Variants in NOM1 observed in about 807,000 individuals in gnomAD.
The protein encoded by NOM1 is nucleolar MIF4G domain-containing protein 1.
A neutral mutation model predicts 73.3 loss-of-function variants in NOM1; 58 were observed. The ratio of observed to expected loss-of-function variants is 0.79; its 90% confidence interval spans 0.64 to 0.99. The LOEUF is 0.99. Among genes scored for constraint, NOM1 ranks in the 50% least tolerant of loss-of-function variants. NOM1 has a pLI of 0.00. For missense variants in NOM1, 1,226 were observed against 1,131.9 expected, an observed-to-expected ratio of 1.08 and a Z score of -1.19; for synonymous variants, 487 against 446.8, an observed-to-expected ratio of 1.09 and a Z score of -1.14.
At chr7:156,950,929 A>G (rs1353934932) in intron 1 of NOM1, among the ~76,000 whole-genome samples, 3 of 152,206 alleles carry the variant, frequency 2.0e-5, no homozygotes, top group Non-Finnish European at 4.4e-5. Flanking sequence ...AAAGCAATAT[A>G]GAGACATTTT....
In NOM1 at chr7:156,950,531, G is replaced by A. The variant is rs1244517911; in HGVS notation, c.794G>A (p.Gly265Glu). ...SQDESEEEEE[G>E]DVEKEKKAQE... ...GACGAAAGTGAGGAGGAGGAGGAGG[G>A]AGACGTAGAAAAGGAAAAGAAGGCG... Residue 265 changes from glycine to glutamate, a missense_variant, in exon 1 of 11, where the codon GGA (glycine) becomes GAA (glutamate). Coordinates refer to ENST00000275820, the MANE Select transcript of NOM1 (RefSeq NM_138400.2). 1.9e-6 allele frequency: 3 copies of A among 1,613,880 alleles called. No individual in the cohort carries two copies. The highest frequency in any genetic ancestry group is 2.2e-5 in the South Asian group (2 of 91,082).
chr7:156,969,678 A>G lies in NOM1; in HGVS notation c.2558A>G (p.Gln853Arg), dbSNP rs116822713. 2 of 1,611,844 alleles carry G rather than the reference A, an allele frequency of 1.2e-6. No homozygotes were observed. The highest frequency in any genetic ancestry group is 2.2e-5 in the East Asian group (1 of 44,830). Residue 853 changes from glutamine to arginine, a missense_variant, in exon 11 of 11, where the codon CAA (glutamine) becomes CGA (arginine). Gln to Arg is a conservative substitution (Grantham distance 43). Coordinates refer to ENST00000275820, the MANE Select transcript of NOM1 (RefSeq NM_138400.2). ...GCTGACCTTGCAACGAAGTGTCTGC[A>G]AGGAAAAGCTTCCCTGAGAATGTAG... Reference protein sequence around the residue: ...EKADLATKCLQGKASLRM With the variant: ...EKADLATKCLRGKASLRM
intron 2 of NOM1, among the ~76,000 whole-genome samples, chr7:156,953,673 C>T (rs942822784): frequency 1.3e-5 from 2 of 152,134 alleles, no homozygotes; most frequent in African/African-American, 2.4e-5. Context: ...CCCCACTACC[C>T]GTTCAAACAG....
intron 7 of NOM1, 133 bp downstream of exon 7, chr7:156,964,159 G>A (rs573427032): frequency 6.4e-5 from 54 of 849,252 alleles, no homozygotes; most frequent in Non-Finnish European, 8.3e-5. Context: ...ATGACCATCC[G>A]CTCACGCTGT....
At chr7:156,951,452 A>G (rs1804591263) in intron 1 of NOM1, among the ~76,000 whole-genome samples, 1 of 152,164 alleles carries the variant, frequency 6.6e-6, no homozygotes, top group South Asian at 2.1e-4. Flanking sequence ...GTCATCTTGC[A>G]TATTTTATCT....
At chr7:156,952,434 C>T (rs575017701) in intron 1 of NOM1, 40 bp from the exon 2 acceptor site, 15 of 1,588,882 alleles carry the variant, frequency 9.4e-6, no homozygotes, top group Non-Finnish European at 1.3e-5. Context: ...AGGATTTGGT[C>T]AGTGTAAATT....
At chr7:156,966,423 C>G in intron 8 of NOM1, 21 bp downstream of exon 8, 10 of 1,613,400 alleles carry the variant, frequency 6.2e-6, no homozygotes, top group Non-Finnish European at 8.5e-6. Flanking sequence ...GCGGAGGCAC[C>G]AGTTACGTCC....
intron 4 of NOM1, 100 bp from the exon 5 acceptor site, chr7:156,962,051 C>A: frequency 1.1e-6 from 1 of 894,622 alleles, no homozygotes; most frequent in Non-Finnish European, 1.8e-6. Context: ...GTGGCGGTGG[C>A]GGCCATGTGC....
intron 3 of NOM1, among the ~76,000 whole-genome samples, chr7:156,959,434 G>C (rs969178587): frequency 1.3e-5 from 2 of 152,048 alleles, no homozygotes; most frequent in East Asian, 3.9e-4. Context: ...TAGAAACGGG[G>C]TTTCACCGTG....
rs781330807 is a variant in NOM1 at position 156,959,943 on chromosome 7, C to T, written c.1401C>T (p.Thr467=). Residue 467 remains threonine, a synonymous_variant, in exon 4 of 11, where the codon ACC becomes ACT. Coordinates refer to ENST00000275820, the MANE Select transcript of NOM1 (RefSeq NM_138400.2). ...GGAAAGAGTGTGACAACCTGTTCAC[C>T]GTCATTGCCCATTTATACAACTTCC... ...SEGKECDNLF[T]VIAHLYNFHV... is the part of the protein sequence containing the mutation. 1.1e-5 allele frequency: 17 copies of T among 1,612,888 alleles called. No individual in the cohort carries two copies. The highest frequency in any genetic ancestry group is 1.7e-5 in the Admixed American group (1 of 59,954).
chr7:156,955,893 G>C (rs896966317), intron 3 of NOM1, among the ~76,000 whole-genome samples: 2 of 152,158 alleles, frequency 1.3e-5, no homozygotes, highest in Non-Finnish European at 2.9e-5. Flanking sequence ...CTTGCTTTAA[G>C]ATGCACATAT....
At chr7:156,955,373 T>G (rs1804696244) in intron 3 of NOM1, among the ~76,000 whole-genome samples, 1 of 149,656 alleles carries the variant, frequency 6.7e-6, no homozygotes, top group Non-Finnish European at 1.5e-5. Flanking sequence ...AAGGAGATTG[T>G]TGTGAGGTTG....
chr7:156,956,568 A>G (rs1034602385), intron 3 of NOM1, among the ~76,000 whole-genome samples: 3 of 152,136 alleles, frequency 2.0e-5, no homozygotes, highest in African/African-American at 7.2e-5. Context: ...ACATTTTTCC[A>G]TGTCTAGCAG....
intron 9 of NOM1, 74 bp downstream of exon 9, chr7:156,967,166 T>A: frequency 4.6e-6 from 7 of 1,507,646 alleles, no homozygotes; most frequent in Non-Finnish European, 6.3e-6. Context: ...GTAAATCAGG[T>A]CCTGTTTTAC....
rs1383973936 is a variant in NOM1 at position 156,950,039 on chromosome 7, C to T, written c.302C>T (p.Thr101Met). ...CGGAAAGCACGCCGGCTGCAGAGGA[C>T]GGCGGGCCCCGAACAGGGTCCCGGC... ...HLRKARRLQR[T>M]AGPEQGPGLG... Residue 101 changes from threonine to methionine, a missense_variant, in exon 1 of 11, where the codon ACG becomes ATG. Coordinates refer to ENST00000275820, the MANE Select transcript of NOM1 (RefSeq NM_138400.2). 2.3e-5 allele frequency: 35 copies of T among 1,542,418 alleles called. No homozygotes were observed. The highest frequency in any genetic ancestry group is 3.9e-5 in the Admixed American group (2 of 50,998).
At chr7:156,950,961 A>G (rs946202246) in intron 1 of NOM1, among the ~76,000 whole-genome samples, 5 of 152,310 alleles carry the variant, frequency 3.3e-5, no homozygotes, top group East Asian at 3.9e-4. Context: ...CTTAAGGGCC[A>G]TTTCCACAGT....
intron 6 of NOM1, 123 bp from the exon 7 acceptor site, chr7:156,963,782 G>C: frequency 8.7e-7 from 1 of 1,152,384 alleles, no homozygotes; most frequent in Non-Finnish European, 1.2e-6. Context: ...AGTGGACTTG[G>C]TGCCATCCGC....
intron 1 of NOM1, 151 bp downstream of exon 1, chr7:156,950,875 C>T (rs1367265255): frequency 1.4e-6 from 1 of 709,582 alleles, no homozygotes; most frequent in East Asian, 2.7e-5. Context: ...TCTATTCGGT[C>T]TTCTTTCATG....
At chr7:156,953,432 C>A (rs1470481999) in intron 2 of NOM1, among the ~76,000 whole-genome samples, 1 of 152,168 alleles carries the variant, frequency 6.6e-6, no homozygotes, top group Non-Finnish European at 1.5e-5. Context: ...CGGGGCAGTT[C>A]TGTAGTTTTA....
Sources: allele counts gnomAD v4.1 joint callset (sites outside exome capture counted in the v4.1 genomes callset), GRCh38; gene constraint gnomAD v4.1.1; transcripts MANE v1.5; gene names NCBI Gene and HGNC (gene_info 2026-07-23, HGNC 2026-07-21).